The following DCC variants were observed in gnomAD, a reference collection of about 807,000 sequenced individuals.
DCC encodes netrin receptor DCC.
A neutral mutation model predicts 172.5 loss-of-function variants in DCC; 58 were observed. The observed-to-expected ratio is 0.34, with a 90% CI of 0.27 to 0.42. The LOEUF is 0.42. Among genes scored for constraint, DCC ranks in the 10% least tolerant of loss-of-function variants. The probability of loss-of-function intolerance (pLI) is 1.00; values close to 1 mark genes in which losing one functional copy is unlikely to be tolerated. For missense variants in DCC, 1,740 were observed against 1,791.0 expected, an observed-to-expected ratio of 0.97 and a Z score of 0.51; for synonymous variants, 709 against 644.5, an observed-to-expected ratio of 1.10 and a Z score of -1.52.
chr18:52,971,032 A>G (rs1182792967), intron 5 of DCC, among the ~76,000 whole-genome samples: 1 of 152,162 alleles, frequency 6.6e-6, no homozygotes, highest in African/African-American at 2.4e-5. Context: ...TTGTTTATTC[A>G]CTGATTTTTC....
At chr18:53,316,139 A>G (rs1422053158) in intron 13 of DCC, among the ~76,000 whole-genome samples, 2 of 152,164 alleles carry the variant, frequency 1.3e-5, no homozygotes, top group African/African-American at 4.8e-5. Context: ...TATAAAGTGT[A>G]AGGAAGGGGT....
chr18:52,693,000 G>A (rs2035953499), intron 1 of DCC, among the ~76,000 whole-genome samples: 1 of 152,116 alleles, frequency 6.6e-6, no homozygotes, highest in Admixed American at 6.6e-5. Flanking sequence ...CCTATAGGCT[G>A]TGACCTTGTT....
chr18:52,746,245 A>G (rs945302120), intron 1 of DCC, among the ~76,000 whole-genome samples: 1 of 152,194 alleles, frequency 6.6e-6, no homozygotes, highest in Non-Finnish European at 1.5e-5. Flanking sequence ...TTCTGGGTTG[A>G]TATGAAGATT....
chr18:52,755,552 C>T (rs2037064690), intron 2 of DCC, among the ~76,000 whole-genome samples: 2 of 152,134 alleles, frequency 1.3e-5, no homozygotes, highest in South Asian at 4.1e-4. Flanking sequence ...CAGAATACAT[C>T]AATGTTATGT....
intron 5 of DCC, among the ~76,000 whole-genome samples, chr18:52,927,227 A>G (rs1228066434): frequency 2.2e-5 from 3 of 134,326 alleles, no homozygotes; most frequent in Non-Finnish European, 4.9e-5. Context: ...ACATATATGC[A>G]CATATATACT....
At chr18:53,091,234 A>T (rs377708622) in intron 7 of DCC, among the ~76,000 whole-genome samples, 1 of 151,814 alleles carries the variant, frequency 6.6e-6, no homozygotes, top group Non-Finnish European at 1.5e-5. Flanking sequence ...AAGCAGTTTC[A>T]GCTAGCTTTT....
At chr18:52,401,266 T>A (rs1024755655) in intron 1 of DCC, among the ~76,000 whole-genome samples, 1 of 151,958 alleles carries the variant, frequency 6.6e-6, no homozygotes, top group Admixed American at 6.6e-5. Context: ...ACCACATTCA[T>A]CTAGGGATCA....
intron 1 of DCC, among the ~76,000 whole-genome samples, chr18:52,522,868 G>A (rs546803269): frequency 5.5e-4 from 84 of 152,282 alleles, no homozygotes; most frequent in Admixed American, 1.0e-3. Context: ...TGGTCAAGAA[G>A]AGGTTGGGTG....
intron 5 of DCC, among the ~76,000 whole-genome samples, chr18:52,998,044 C>G (rs927415859): frequency 2.6e-4 from 40 of 152,016 alleles, no homozygotes; most frequent in African/African-American, 9.2e-4. Flanking sequence ...TCCATCAGAC[C>G]TGTGCTGTCC....
At chr18:53,058,725 A>T (rs2042451274) in intron 5 of DCC, among the ~76,000 whole-genome samples, 1 of 152,198 alleles carries the variant, frequency 6.6e-6, no homozygotes, top group African/African-American at 2.4e-5. Flanking sequence ...TGTTAGCCTG[A>T]TAGAGCCACT....
intron 15 of DCC, among the ~76,000 whole-genome samples, chr18:53,350,460 G>A: frequency 6.6e-6 from 1 of 152,026 alleles, no homozygotes; most frequent in East Asian, 1.9e-4. Flanking sequence ...CTTACTAGAA[G>A]ACATTGTCTT....
chr18:52,717,880 C>T (rs1159300088), intron 1 of DCC, among the ~76,000 whole-genome samples: 1 of 152,118 alleles, frequency 6.6e-6, no homozygotes, highest in Non-Finnish European at 1.5e-5. Flanking sequence ...CTTTTAGTGC[C>T]ACTGAAAGAT....
At chr18:53,131,530 C>T (rs758743025) in intron 7 of DCC, among the ~76,000 whole-genome samples, 4 of 152,120 alleles carry the variant, frequency 2.6e-5, no homozygotes, top group South Asian at 2.1e-4. Context: ...GCTCAAATGG[C>T]ACTTTGATGA....
rs79269966 is a variant in DCC, at chr18:52,957,902, G to T, written c.985+32532G>T. Among the ~76,000 whole-genome samples the T allele has an allele frequency of 5.4e-3, 818 of 152,296 alleles. 8 individuals carry two copies. Among genetic ancestry groups the T allele is most frequent in the Middle Eastern group, 0.017 (5 of 294 alleles). On this transcript the variant is annotated intron_variant, in intron 5 of 28. Coordinates refer to ENST00000442544, the MANE Select transcript of DCC (RefSeq NM_005215.4). The stretch of plus-strand genomic sequence containing the variant: ...GTCATGGATAGTTATTATCAAGGAA[G>T]TAATATGTTCAGATGAGCATTTTAC...
chr18:52,566,409 C>G (rs938127994), intron 1 of DCC, among the ~76,000 whole-genome samples: 1 of 151,972 alleles, frequency 6.6e-6, no homozygotes, highest in Non-Finnish European at 1.5e-5. Context: ...AGGAGAAATA[C>G]CTAATGTAGA....
At chr18:52,792,769 TATTCC>T (rs58380249) in intron 2 of DCC, among the ~76,000 whole-genome samples, 88,431 of 134,266 alleles carry the variant, frequency 0.66, 29,792 homozygotes, top group East Asian at 0.91. Context: ...TATTCCATTC[TATTCC>T]ATTCCATTCC....
At chr18:52,571,844 A>C (rs2033302657) in intron 1 of DCC, among the ~76,000 whole-genome samples, 1 of 152,236 alleles carries the variant, frequency 6.6e-6, no homozygotes, top group African/African-American at 2.4e-5. Flanking sequence ...CAATATGTCC[A>C]TCAATTTTCC....
At chr18:53,222,376 CTTTTTTCTTTTTT>C (rs2055950953) in intron 12 of DCC, among the ~76,000 whole-genome samples, 1 of 98,572 alleles carries the variant, frequency 1.0e-5, no homozygotes, top group Non-Finnish European at 1.8e-5. Context: ...TTTTCTTTTT[CTTTTTTCTTTTTT>C]TTTTTTTTTT....
At chr18:52,493,234 C>T (rs1334329126) in intron 1 of DCC, among the ~76,000 whole-genome samples, 1 of 151,990 alleles carries the variant, frequency 6.6e-6, no homozygotes, top group Non-Finnish European at 1.5e-5. Context: ...GACTTCAGGG[C>T]TAGCACCTTA....
Sources: allele counts gnomAD v4.1 joint callset (sites outside exome capture counted in the v4.1 genomes callset), GRCh38; gene constraint gnomAD v4.1.1; transcripts MANE v1.5; gene names NCBI Gene and HGNC (gene_info 2026-07-23, HGNC 2026-07-21).